Variants in DPP6 observed in about 807,000 individuals in gnomAD.
The protein encoded by DPP6 is dipeptidyl peptidase like 6, also known as A-type potassium channel modulatory protein DPP6.
A neutral mutation model predicts 122.6 loss-of-function variants in DPP6; 69 were observed. The observed-to-expected ratio is 0.56, with a 90% CI of 0.46 to 0.69. The LOEUF (loss-of-function observed/expected upper bound fraction) is 0.69, where lower values mean the gene tolerates loss of function less well. DPP6 is among the 30% of genes least tolerant of loss of function. The pLI is 0.00. For missense variants in DPP6, 928 were observed against 1,116.9 expected, an observed-to-expected ratio of 0.83 and a Z score of 2.41; for synonymous variants, 418 against 433.1, an observed-to-expected ratio of 0.97 and a Z score of 0.43.
intron 5 of DPP6, among the ~76,000 whole-genome samples, chr7:154,585,516 A>G (rs1832380106): frequency 6.6e-6 from 1 of 152,206 alleles, no homozygotes; most frequent in Non-Finnish European, 1.5e-5. Context: ...GTTGTCCCTC[A>G]GCACCCCTGG....
At chr7:153,774,534 G>A in the DPP6 span, among the ~76,000 whole-genome samples, 10 of 152,234 alleles carry the variant, frequency 6.6e-5, no homozygotes, top group South Asian at 8.3e-4. Context: ...TAAGACCATC[G>A]CCACGTGGGT....
At chr7:153,876,897 C>T in the DPP6 span, among the ~76,000 whole-genome samples, 7 of 151,808 alleles carry the variant, frequency 4.6e-5, no homozygotes, top group African/African-American at 1.5e-4. Flanking sequence ...TATATCTAAA[C>T]ATAGAAAAGG....
In DPP6 at chr7:153,915,956, T is replaced by G. The variant is rs866090390; in HGVS notation, c.51+28222T>G. 8.3e-3 allele frequency among the ~76,000 whole-genome samples: 1,256 copies of G among 151,448 alleles called. 22 individuals are homozygous for G. The highest frequency in any genetic ancestry group is 0.029 in the African/African-American group (1,187 of 41,256). ...AGCTCCTCTGATTTTTATTTATTTA[T>G]TTATTTATTTATTTATTTATTTATT... On this transcript the variant is annotated intron_variant, in intron 1 of 25. Coordinates refer to the DPP6 transcript ENST00000404039.
intron 7 of DPP6, among the ~76,000 whole-genome samples, chr7:154,692,021 T>G (rs1232048538): frequency 6.6e-6 from 1 of 151,958 alleles, no homozygotes; most frequent in Non-Finnish European, 1.5e-5. Flanking sequence ...GTATAACCCC[T>G]CTGAGCCTCA....
intron 1 of DPP6, among the ~76,000 whole-genome samples, chr7:154,009,331 A>G (rs1585169828): frequency 1.9e-5 from 2 of 106,274 alleles, no homozygotes; most frequent in East Asian, 5.1e-4. Flanking sequence ...CAGCCAGCCC[A>G]GGATTTCCAA....
intron 7 of DPP6, among the ~76,000 whole-genome samples, chr7:154,709,033 G>A (rs187829054): frequency 6.9e-6 from 1 of 144,512 alleles, no homozygotes; most frequent in Admixed American, 7.3e-5. Context: ...CACCGACAGA[G>A]CAAGACTCTG....
chr7:154,676,601 A>T (rs1838927285), intron 7 of DPP6, among the ~76,000 whole-genome samples: 1 of 152,242 alleles, frequency 6.6e-6, no homozygotes, highest in African/African-American at 2.4e-5. Flanking sequence ...CACCTTAGTG[A>T]TTGCTACACC....
Position 154,052,781 on chromosome 7 carries a change from TA to T in DPP6, c.-35del. On this transcript the variant is annotated 5_prime_UTR_variant, in exon 1 of 26. Transcript: ENST00000377770. This position sits in a 1 kb window ranked among gnomAD's most constrained non-coding sequence, Gnocchi z 4.8. ...GGGAACCGGAGAGAAAGCAAAATAT[TA>T]AAAAGCCCCAAAGACAGCCAGCAGG... 6.9e-7 allele frequency: 1 copy of T among 1,451,110 alleles called. No individual in the cohort carries two copies. The highest frequency in any genetic ancestry group is 2.9e-5 in the East Asian group (1 of 34,240). The allele number at this position is 1,451,110 out of a possible 1,614,324, so 89.9% of individuals were successfully genotyped here.
Position 154,640,806 on chromosome 7 carries a change from T to C in DPP6, c.680+2933T>C, listed in dbSNP as rs535943177. ...AAAATATTTGAATATACATTATTCA[T>C]GTAGAAGAAAACTAAGAGATTTTCT... On this transcript the variant is annotated intron_variant, in intron 6 of 25. Coordinates refer to ENST00000377770, the MANE Select transcript of DPP6 (RefSeq NM_130797.4). Among the ~76,000 whole-genome samples the C allele has an allele frequency of 1.7e-3, 259 of 152,348 alleles. 1 individual carries two copies. Among genetic ancestry groups the C allele is most frequent in the Non-Finnish European group, 3.1e-3 (213 of 68,030 alleles).
intron 1 of DPP6, among the ~76,000 whole-genome samples, chr7:153,898,975 T>C (rs1386957207): frequency 2.6e-5 from 4 of 152,232 alleles, no homozygotes; most frequent in African/African-American, 4.8e-5. Context: ...AAGTCACCAT[T>C]ATTCAAGAAG....
intron 1 of DPP6, among the ~76,000 whole-genome samples, chr7:153,891,951 T>A (rs532942413): frequency 6.6e-6 from 1 of 152,244 alleles, no homozygotes; most frequent in Non-Finnish European, 1.5e-5. Flanking sequence ...CTGTTGATTG[T>A]TGTTGGTTTT....
At chr7:153,941,768 C>G (rs1449949903) in intron 1 of DPP6, among the ~76,000 whole-genome samples, 2 of 152,194 alleles carry the variant, frequency 1.3e-5, no homozygotes, top group African/African-American at 4.8e-5. Flanking sequence ...CAGTCCCAAT[C>G]TTTTCACTGG....
rs1805273449 is a variant in DPP6, at chr7:154,095,685, C to T, written c.243+42622C>T. ...TAAGAAGTCTTCACAAGGTCTTTTC[C>T]GGTGTTCTGCTTTTTCCTGGGAGGC... On this transcript the variant is annotated intron_variant, in intron 1 of 25. Transcript: ENST00000377770. The T allele has an allele frequency of 1.8e-5, 2 of 113,028 alleles. 1 individual carries two copies. The highest frequency in any genetic ancestry group is 6.3e-4 in the East Asian group (2 of 3,180). The allele number at this position is 113,028 out of a possible 1,614,324, so 7.0% of individuals were successfully genotyped here.
At chr7:154,595,387 T>G (rs1252894491) in intron 5 of DPP6, among the ~76,000 whole-genome samples, 1 of 152,138 alleles carries the variant, frequency 6.6e-6, no homozygotes, top group East Asian at 1.9e-4. Flanking sequence ...ACTCTGACCT[T>G]GAGAAGGTTA....
At chr7:154,037,462 A>C (rs1407699828) in intron 1 of DPP6, among the ~76,000 whole-genome samples, 1 of 148,632 alleles carries the variant, frequency 6.7e-6, no homozygotes, top group Non-Finnish European at 1.5e-5. Flanking sequence ...TTAAAAAATT[A>C]CTGATGCTGT....
At position 154,483,401 on chromosome 7, in the gene DPP6, T is replaced by TTTTTTTA. The variant is rs61038137; in HGVS notation, c.457+8364_457+8365insTTTTTTA. On this transcript the variant is annotated intron_variant, in intron 3 of 25. Transcript: ENST00000377770. This position sits in a 1 kb window ranked among gnomAD's most constrained non-coding sequence, Gnocchi z 8.1. ...AGGCACAATACAATTTTTTTTTTTT[T>TTTTTTTA]AAAAGCATTTATTTGAGCAAACAGT... is the stretch of plus-strand genomic sequence containing the variant. Among the ~76,000 whole-genome samples the TTTTTTTA allele has an allele frequency of 9.3e-4, 141 of 151,358 alleles. 3 individuals carry two copies. The highest frequency in any genetic ancestry group is 3.2e-3 in the African/African-American group (134 of 41,246).
At chr7:154,847,502 CTTTTA>C (rs1184156554) in intron 16 of DPP6, among the ~76,000 whole-genome samples, 1 of 151,918 alleles carries the variant, frequency 6.6e-6, no homozygotes, top group Non-Finnish European at 1.5e-5. Context: ...TCCCCATATT[CTTTTA>C]TTTTGTTTGG....
At chr7:154,373,600 G>A (rs565795052) in intron 1 of DPP6, among the ~76,000 whole-genome samples, 8 of 152,210 alleles carry the variant, frequency 5.3e-5, no homozygotes, top group Admixed American at 2.0e-4. Flanking sequence ...TTCTGCATGC[G>A]CTCATTTAAA....
chr7:154,490,307 C>T (rs900728352), intron 3 of DPP6, among the ~76,000 whole-genome samples: 1 of 152,218 alleles, frequency 6.6e-6, no homozygotes, highest in Admixed American at 6.5e-5. Context: ...GGTGTCTCTT[C>T]CCCCGGCTCC....
Sources: gnomAD v4.1 joint callset for allele counts (sites outside exome capture counted in the v4.1 genomes callset) on GRCh38, gnomAD v4.1.1 for gene constraint, Gnocchi (gnomAD v3.1) non-coding constraint, MANE v1.5 for transcripts, NCBI Gene and HGNC (gene_info 2026-07-23, HGNC 2026-07-21) for gene names.